Variants in SLCO2A1 observed in about 807,000 individuals in gnomAD.
SLCO2A1 encodes matrin F/G 1.
A neutral mutation model predicts 71.7 loss-of-function variants in SLCO2A1; 60 were observed. The observed-to-expected ratio is 0.84, with a 90% CI of 0.68 to 1.04. SLCO2A1 has a LOEUF of 1.04. Among genes scored for constraint, SLCO2A1 ranks in the 50% least tolerant of loss-of-function variants. The pLI is 0.00. For missense variants in SLCO2A1, 745 were observed against 813.4 expected (o/e 0.92, Z 1.02); for synonymous variants, 308 against 326.7 (o/e 0.94, Z 0.62).
At chr3:133,988,559 G>A (rs1934765670) in intron 1 of SLCO2A1, among the ~76,000 whole-genome samples, 1 of 152,210 alleles carries the variant, frequency 6.6e-6, no homozygotes, top group South Asian at 2.1e-4. Context: ...TGAGGGCTGT[G>A]TCACAGGCCA....
At chr3:134,028,267 C>A (rs902706385) in intron 1 of SLCO2A1, among the ~76,000 whole-genome samples, 2 of 152,134 alleles carry the variant, frequency 1.3e-5, no homozygotes, top group Admixed American at 1.3e-4. Context: ...TTTCTTTACA[C>A]CATCTAATCC....
chr3:134,002,187 T>G (rs1935116790), intron 1 of SLCO2A1, among the ~76,000 whole-genome samples: 1 of 152,186 alleles, frequency 6.6e-6, no homozygotes, highest in Non-Finnish European at 1.5e-5. Context: ...GAAATGGAAC[T>G]CAGCCTAGCA....
intron 1 of SLCO2A1, among the ~76,000 whole-genome samples, chr3:133,986,013 G>C (rs2108061851): frequency 6.6e-6 from 1 of 152,340 alleles, no homozygotes; most frequent in South Asian, 2.1e-4. Context: ...TTGCAGCCAT[G>C]TATGAAGGGA....
chr3:133,951,370 T>C (rs1275602267), intron 5 of SLCO2A1, 26 bp from the exon 6 acceptor site: 2 of 1,612,526 alleles, frequency 1.2e-6, no homozygotes, highest in Non-Finnish European at 1.7e-6. Context: ...AGAGTGCAAA[T>C]GTTTGTTGAA....
chr3:133,947,510 A>G, intron 8 of SLCO2A1, 65 bp from the exon 9 acceptor site: 1 of 1,363,812 alleles, frequency 7.3e-7, no homozygotes, highest in Non-Finnish European at 1.0e-6. Flanking sequence ...GGCTACAAAC[A>G]CTGAGCTGGA....
chr3:133,945,015 A>G (rs1236992415), intron 10 of SLCO2A1, 80 bp downstream of exon 10: 3 of 1,491,386 alleles, frequency 2.0e-6, no homozygotes, highest in Non-Finnish European at 2.7e-6. Context: ...CCTGGAGCCG[A>G]GAAACAGTCT....
chr3:134,022,049 C>A (rs1576463407), intron 1 of SLCO2A1, among the ~76,000 whole-genome samples: 1 of 139,482 alleles, frequency 7.2e-6, no homozygotes. Flanking sequence ...CTCACCAGTT[C>A]AGAAGTATCC....
At chr3:133,990,668 G>T in intron 1 of SLCO2A1, among the ~76,000 whole-genome samples, 1 of 152,242 alleles carries the variant, frequency 6.6e-6, no homozygotes, top group South Asian at 2.1e-4. Context: ...CTTCTCCATC[G>T]CACTGTCTGC....
In SLCO2A1 at chr3:133,951,387, A is replaced by G. The variant is rs74489047; in HGVS notation, c.725-43T>C. On this transcript the variant is annotated intron_variant, in intron 5 of 13. Coordinates refer to ENST00000310926, the MANE Select transcript of SLCO2A1 (RefSeq NM_005630.3). ...AGTGCAAATGTTTGTTGAATGCATG[A>G]TCTCACCTTACTGGAAACAGAACCT... 8.1e-3 allele frequency: 12,982 copies of G among 1,607,188 alleles called. 67 individuals are homozygous for G. Among genetic ancestry groups the G allele is most frequent in the Non-Finnish European group, 9.3e-3 (10,984 of 1,175,796 alleles).
chr3:133,996,155 A>G (rs2108067066), intron 1 of SLCO2A1, among the ~76,000 whole-genome samples: 1 of 152,278 alleles, frequency 6.6e-6, no homozygotes, highest in South Asian at 2.1e-4. Flanking sequence ...TTTCATCAAG[A>G]AGAAGTTAGT....
chr3:134,006,702 T>C (rs1935223661), intron 1 of SLCO2A1, among the ~76,000 whole-genome samples: 1 of 152,370 alleles, frequency 6.6e-6, no homozygotes, highest in South Asian at 2.1e-4. Context: ...TATATACACA[T>C]TTTGTTTATC....
intron 1 of SLCO2A1, among the ~76,000 whole-genome samples, chr3:133,982,797 A>C (rs1295201408): frequency 6.6e-6 from 1 of 151,398 alleles, no homozygotes; most frequent in Non-Finnish European, 1.5e-5. Flanking sequence ...CTTCCACCAC[A>C]CCACCCCAGG....
chr3:133,956,759 G>A (rs1420072857), intron 3 of SLCO2A1, among the ~76,000 whole-genome samples: 1 of 152,208 alleles, frequency 6.6e-6, no homozygotes, highest in Non-Finnish European at 1.5e-5. Context: ...AGCTGGAACA[G>A]CTTGTTAGAA....
At chr3:133,953,283 C>T (rs1049545755) in intron 5 of SLCO2A1, among the ~76,000 whole-genome samples, 13 of 152,200 alleles carry the variant, frequency 8.5e-5, no homozygotes, top group Non-Finnish European at 1.8e-4. Context: ...GTGATCCACC[C>T]GCCTCAGCCT....
chr3:133,953,561 A>T, intron 5 of SLCO2A1, 102 bp downstream of exon 5: 1 of 872,960 alleles, frequency 1.1e-6, no homozygotes, highest in South Asian at 1.5e-5. Flanking sequence ...GGCAGAGCGC[A>T]TCTGGAGCTG....
rs1011974209 is a variant in SLCO2A1 at position 133,941,708 on chromosome 3, A to G, written c.1625+897T>C. 3.9e-5 allele frequency among the ~76,000 whole-genome samples: 6 copies of G among 152,096 alleles called. No homozygotes were observed. In the South Asian group the frequency reaches 1.2e-3, roughly 31 times the overall value. On this transcript the variant is annotated intron_variant, in intron 11 of 13. Transcript: ENST00000310926. ...CCGCTCCTCCCCTCCAGCTCTGGCC[A>G]GCGGCTCCCTTCCTGACCTGGGAAC...
chr3:133,940,407 G>C (rs1933388503), intron 11 of SLCO2A1, among the ~76,000 whole-genome samples: 1 of 152,196 alleles, frequency 6.6e-6, no homozygotes, highest in Non-Finnish European at 1.5e-5. Flanking sequence ...GACCTAGAAA[G>C]GAGAGATTTT....
chr3:133,994,517 C>T (rs1042180635), intron 1 of SLCO2A1, among the ~76,000 whole-genome samples: 7 of 152,238 alleles, frequency 4.6e-5, no homozygotes, highest in South Asian at 2.1e-4. Context: ...CTAGCTCTCT[C>T]TCTCTGACTG....
chr3:134,023,301 A>G (rs902653526), intron 1 of SLCO2A1, among the ~76,000 whole-genome samples: 11 of 152,306 alleles, frequency 7.2e-5, no homozygotes, highest in African/African-American at 2.6e-4. Context: ...TTCTTTCCTC[A>G]TTCTATTGCT....
Sources: gnomAD v4.1 joint callset for allele counts (sites outside exome capture counted in the v4.1 genomes callset) on GRCh38, gnomAD v4.1.1 for gene constraint, MANE v1.5 for transcripts, NCBI Gene and HGNC (gene_info 2026-07-23, HGNC 2026-07-21) for gene names.